The following PLAC9 variants were observed in gnomAD, a reference collection of about 807,000 sequenced individuals.
The protein encoded by PLAC9 is placenta-specific protein 9.
Under a neutral mutation model 11.5 loss-of-function variants are expected in PLAC9, and 12 were observed. That is an observed-to-expected ratio of 1.05 (90% CI 0.67 to 1.69). PLAC9 has a LOEUF of 1.69. Ranked by LOEUF, PLAC9 falls within the 40% of genes most tolerant of loss-of-function variation. The pLI is 0.00. For missense variants in PLAC9, 132 were observed against 130.5 expected (o/e 1.01, Z -0.06); for synonymous variants, 62 against 58.1 (o/e 1.07, Z -0.31).
Position 80,145,349 on chromosome 10 carries a change from G to A in PLAC9, c.*439G>A, listed in dbSNP as rs1845091496. ...GTGTCCATTAAAGTGGTTTGTTGTTGTTTTTAAAAATTTTTCCTATGAAGT... is the reference window on the plus strand; with the variant it reads ...GTGTCCATTAAAGTGGTTTGTTGTTATTTTTAAAAATTTTTCCTATGAAGT... On this transcript the variant is annotated 3_prime_UTR_variant, in exon 4 of 4. Transcript: ENST00000372263. The A allele has an allele frequency of 1.3e-5, 3 of 235,366 alleles. No homozygotes were observed. The South Asian group carries it at 1.7e-4, about 14-fold the overall frequency. 14.6% of individuals were successfully genotyped at this position (235,366 alleles called of 1,614,324 possible).
intron 1 of PLAC9, among the ~76,000 whole-genome samples, chr10:80,139,739 AT>A (rs111930893): frequency 0.068 from 10,152 of 148,892 alleles, 470 homozygotes; most frequent in Middle Eastern, 0.13. Context: ...CATGGCCACC[AT>A]TTTTTTTTTA....
At chr10:80,141,992 A>G in intron 1 of PLAC9, 90 bp from the exon 2 acceptor site, 1 of 1,037,262 alleles carries the variant, frequency 9.6e-7, no homozygotes, top group Non-Finnish European at 1.4e-6. Flanking sequence ...TGCTTTGAGG[A>G]CTGACCTCAT....
intron 1 of PLAC9, among the ~76,000 whole-genome samples, chr10:80,136,327 G>A (rs1427036412): frequency 6.6e-6 from 1 of 152,166 alleles, no homozygotes; most frequent in Non-Finnish European, 1.5e-5. Flanking sequence ...TGGGAGAGCG[G>A]GAGGAAAGGA....
chr10:80,143,389 A>ATTTTTTTTT lies in PLAC9; in HGVS notation c.163-816_163-808dup, dbSNP rs560963413. On this transcript the variant is annotated intron_variant, in intron 2 of 3. Coordinates refer to ENST00000372263, the MANE Select transcript of PLAC9 (RefSeq NM_001012973.3). ...AAAAAGTTTAATTTTAAATACTTGA[A>ATTTTTTTTT]TTTTTTTTTTTTTTTTTTTTTTTTT... Among the ~76,000 whole-genome samples, 13 of 89,936 alleles carry ATTTTTTTTT rather than the reference A, an allele frequency of 1.4e-4. 3 individuals carry two copies. The highest frequency in any genetic ancestry group is 5.0e-4 in the African/African-American group (10 of 19,958). 59.0% of individuals were successfully genotyped at this position (89,936 alleles called of 152,430 possible).
In PLAC9 at chr10:80,142,139, G is replaced by A; in HGVS notation, c.122G>A (p.Arg41Lys). 6.2e-7 allele frequency: 1 copy of A among 1,611,138 alleles called. No homozygotes were observed. The highest frequency in any genetic ancestry group is 8.5e-7 in the Non-Finnish European group (1 of 1,177,666). The part of the protein sequence containing the change: ...GDSAQSTACD[R>K]HMAVQRRLDV... ...TCAGCTCAGAGCACAGCGTGTGACA[G>A]ACACATGGCTGTGCAACGCCGTCTA... Residue 41 changes from arginine (R) to lysine (K), a missense_variant, in exon 2 of 4, where the codon AGA becomes AAA. Arg to Lys is a conservative substitution (Grantham distance 26). Transcript: ENST00000372263.
intron 1 of PLAC9, among the ~76,000 whole-genome samples, chr10:80,133,490 C>T (rs113183241): frequency 0.01 from 1,551 of 152,364 alleles, 25 homozygotes; most frequent in African/African-American, 0.035. Flanking sequence ...GGAGAAAGGC[C>T]ACCGATTCAC....
intron 1 of PLAC9, among the ~76,000 whole-genome samples, chr10:80,137,681 G>A (rs780967926): frequency 1.1e-4 from 16 of 152,142 alleles, no homozygotes; most frequent in Non-Finnish European, 2.1e-4. Flanking sequence ...TTGGGAGGCC[G>A]AGACAGGCGG....
At chr10:80,132,956 G>A (rs1844930359) in intron 1 of PLAC9, 130 bp downstream of exon 1, 1 of 709,614 alleles carries the variant, frequency 1.4e-6, no homozygotes. Context: ...GGCAGATGCA[G>A]GGAGGGAGGG....
In PLAC9 at chr10:80,135,079, G is replaced by A. The variant is rs1275080054; in HGVS notation, c.64+2253G>A. Among the ~76,000 whole-genome samples, 3 of 151,914 alleles carry A rather than the reference G, an allele frequency of 2.0e-5. No individual in the cohort carries two copies. In the East Asian group the frequency reaches 5.8e-4, roughly 29 times the overall value. On this transcript the variant is annotated intron_variant, in intron 1 of 3. Coordinates refer to ENST00000372263, the MANE Select transcript of PLAC9 (RefSeq NM_001012973.3). ...CTGTCTCCCAGGCTGGAGTGCAGTGGTGCGATCTCCGCTCACTGCAAGCTC... is the reference window on the plus strand; with the variant it reads ...CTGTCTCCCAGGCTGGAGTGCAGTGATGCGATCTCCGCTCACTGCAAGCTC...
intron 2 of PLAC9, among the ~76,000 whole-genome samples, chr10:80,142,622 A>G (rs544240124): frequency 1.1e-4 from 16 of 152,358 alleles, no homozygotes; most frequent in African/African-American, 3.4e-4. Flanking sequence ...TCTTCTAGTT[A>G]TGAATATCTC....
chr10:80,132,864 CG>C (rs1190249939), intron 1 of PLAC9, 38 bp downstream of exon 1: 3 of 1,447,218 alleles, frequency 2.1e-6, no homozygotes, highest in Admixed American at 2.6e-5. Context: ...GACCTGGAGC[CG>C]GGGAGACCCG....
At chr10:80,140,294 C>G (rs1589404732) in intron 1 of PLAC9, among the ~76,000 whole-genome samples, 1 of 152,140 alleles carries the variant, frequency 6.6e-6, no homozygotes, top group African/African-American at 2.4e-5. Flanking sequence ...AGCCAAGCTT[C>G]GTGAAATTTT....
intron 1 of PLAC9, among the ~76,000 whole-genome samples, chr10:80,138,785 C>T (rs867882820): frequency 3.3e-5 from 5 of 152,122 alleles, no homozygotes; most frequent in African/African-American, 4.8e-5. Flanking sequence ...GGCCCCTTGG[C>T]CAACCCATCC....
At chr10:80,139,460 C>T (rs1845015980) in intron 1 of PLAC9, among the ~76,000 whole-genome samples, 1 of 152,164 alleles carries the variant, frequency 6.6e-6, no homozygotes, top group African/African-American at 2.4e-5. Flanking sequence ...CTGCAGACTC[C>T]TAGGTTTCAG....
intron 2 of PLAC9, among the ~76,000 whole-genome samples, chr10:80,143,360 G>A (rs1387953335): frequency 6.7e-6 from 1 of 148,416 alleles, no homozygotes; most frequent in African/African-American, 2.5e-5. Flanking sequence ...CACCATGCTG[G>A]GCCAAAAAGT....
chr10:80,144,429 C>A, intron 3 of PLAC9, 86 bp downstream of exon 3: 1 of 1,463,590 alleles, frequency 6.8e-7, no homozygotes, highest in Non-Finnish European at 9.0e-7. Context: ...TGCTCCACTG[C>A]ACAGGTGTAG....
At chr10:80,143,598 C>T (rs1423308189) in intron 2 of PLAC9, among the ~76,000 whole-genome samples, 1 of 150,950 alleles carries the variant, frequency 6.6e-6, no homozygotes, top group Non-Finnish European at 1.5e-5. Context: ...GGTTTCGCCA[C>T]GTTGGCTAGG....
chr10:80,134,286 C>G (rs1844949266), intron 1 of PLAC9, among the ~76,000 whole-genome samples: 1 of 133,170 alleles, frequency 7.5e-6, no homozygotes, highest in East Asian at 2.1e-4. Context: ...TTTTTTGAGA[C>G]AGGATTTCAT....
intron 1 of PLAC9, among the ~76,000 whole-genome samples, chr10:80,140,262 G>C (rs1845024001): frequency 6.6e-6 from 1 of 151,506 alleles, no homozygotes; most frequent in African/African-American, 2.4e-5. Context: ...TAGACCTTGC[G>C]ATCCAATCTC....
Sources: allele counts gnomAD v4.1 joint callset (sites outside exome capture counted in the v4.1 genomes callset), GRCh38; gene constraint gnomAD v4.1.1; transcripts MANE v1.5; gene names NCBI Gene and HGNC (gene_info 2026-07-23, HGNC 2026-07-21).